OR5K2: variants seen among roughly 807,000 people sequenced by gnomAD.
OR5K2 encodes the protein olfactory receptor family 5 subfamily K member 2.
For missense variants in OR5K2, 402 were observed against 369.8 expected (o/e 1.09, Z -0.71); for synonymous variants, 124 against 133.2 (o/e 0.93, Z 0.48).
At position 98,498,044 on chromosome 3, in the gene OR5K2, C is replaced by A. The variant is rs755600607; in HGVS notation, c.364C>A (p.Arg122Ser). The change falls in exon 1 of 1, where the codon CGC becomes AGC. Residue 122 changes from arginine (R) to serine (S), a missense_variant. By Grantham distance (110) the Arg-to-Ser change is moderately radical. Transcript: ENST00000427338. The stretch of plus-strand genomic sequence containing the variant: ...TCTTCTGGCAGCAGTGGCCTATGAC[C>A]GCTATGTGGCCATCTGCAACCCACT... The part of the protein sequence containing the change: ...CFLLAAVAYD[R>S]YVAICNPLQY... 5.0e-6 allele frequency: 8 copies of A among 1,614,032 alleles called. No homozygotes were observed. Among genetic ancestry groups the A allele is most frequent in the Non-Finnish European group, 6.8e-6 (8 of 1,179,992 alleles).
At position 98,498,143 on chromosome 3, in the gene OR5K2, C is replaced by T. The variant is rs771956717; in HGVS notation, c.463C>T (p.His155Tyr). 5.0e-6 allele frequency: 8 copies of T among 1,614,050 alleles called. No homozygotes were observed. Among genetic ancestry groups the T allele is most frequent in the Non-Finnish European group, 4.2e-6 (5 of 1,179,950 alleles). ...TTGAFIAGNLHSMIHVGLVFR... is the reference protein window; with the variant it reads ...TTGAFIAGNLYSMIHVGLVFR... Reference sequence around the variant, plus strand: ...AGGCGCCTTCATAGCTGGAAATCTGCATTCCATGATTCATGTAGGGCTTGT... The same window carrying T: ...AGGCGCCTTCATAGCTGGAAATCTGTATTCCATGATTCATGTAGGGCTTGT... The change falls in exon 1 of 1, where the codon CAT becomes TAT. Residue 155 changes from histidine (H) to tyrosine (Y), a missense_variant. His to Tyr is a moderately conservative substitution (Grantham distance 83, BLOSUM62 2). Transcript: ENST00000427338.
Position 98,498,404 on chromosome 3 carries a change from G to A in OR5K2, c.724G>A (p.Ala242Thr), listed in dbSNP as rs764959077. Residue 242 changes from alanine to threonine, a missense_variant, in exon 1 of 1, where the codon GCA becomes ACA. Ala to Thr is a moderately conservative substitution (Grantham distance 58). Transcript: ENST00000427338. The stretch of plus-strand genomic sequence containing the variant: ...AAGGGCCAAAGCCTTTTCTACTTGT[G>A]CATCCCACTTTTCATCAGTTTCATT... Reference protein sequence around the residue: ...EGRAKAFSTCASHFSSVSLFY... With the variant: ...EGRAKAFSTCTSHFSSVSLFY... 16 of 1,613,286 alleles carry A rather than the reference G, an allele frequency of 9.9e-6. No individual in the cohort carries two copies. Among genetic ancestry groups the A allele is most frequent in the Admixed American group, 1.7e-5 (1 of 59,876 alleles).
At position 98,498,539 on chromosome 3, in the gene OR5K2, C is replaced by A. The variant is rs367862272; in HGVS notation, c.859C>A (p.Pro287Thr). The part of the protein sequence containing the change: ...LFTIVVPLLN[P>T]FIYSLRNKEV... ...TACAATAGTAGTTCCCTTACTAAATCCTTTCATTTATAGTCTGAGAAACAA... is the reference window on the plus strand; with the variant it reads ...TACAATAGTAGTTCCCTTACTAAATACTTTCATTTATAGTCTGAGAAACAA... The change falls in exon 1 of 1, where the codon CCT (proline) becomes ACT (threonine). Residue 287 changes from proline to threonine, a missense_variant. By Grantham distance (38) the Pro-to-Thr change is conservative. Transcript: ENST00000427338. The A allele has an allele frequency of 3.7e-6, 6 of 1,607,280 alleles. No individual in the cohort carries two copies. In the African/African-American group the frequency reaches 6.7e-5, roughly 18 times the overall value.
Position 98,498,198 on chromosome 3 carries a change from A to C in OR5K2, c.518A>C (p.His173Pro), listed in dbSNP as rs142208938. Residue 173 changes from histidine (H) to proline (P), a missense_variant, in exon 1 of 1, where the codon CAC (histidine) becomes CCC (proline). Coordinates refer to ENST00000427338, the MANE Select transcript of OR5K2 (RefSeq NM_001004737.1). ...AGGTTAGTTTTCTGTGGATTGAATC[A>C]CATCAACCACTTTTACTGTGATACT... ...VFRLVFCGLN[H>P]INHFYCDTLP... 255 of 1,614,092 alleles carry C rather than the reference A, an allele frequency of 1.6e-4. No homozygotes were observed. The highest frequency in any genetic ancestry group is 3.3e-4 in the Middle Eastern group (2 of 6,060).
chr3:98,498,332 T>C lies in OR5K2; in HGVS notation c.652T>C (p.Tyr218His). The C allele has an allele frequency of 1.9e-6, 3 of 1,613,908 alleles. No homozygotes were observed. The highest frequency in any genetic ancestry group is 1.3e-5 in the African/African-American group (1 of 75,040). ...TACCATAGGTAGTGTCTTAATATCT[T>C]ATCTCTATATTCTTCTTACTATTTT... ...VFTIGSVLISYLYILLTIFRM... is the reference protein window; with the variant it reads ...VFTIGSVLISHLYILLTIFRM... Residue 218 changes from tyrosine (Y) to histidine (H), a missense_variant, in exon 1 of 1, where the codon TAT (tyrosine) becomes CAT (histidine). Tyr to His is a moderately conservative substitution (Grantham distance 83). Coordinates refer to ENST00000427338, the MANE Select transcript of OR5K2 (RefSeq NM_001004737.1).
At position 98,498,500 on chromosome 3, in the gene OR5K2, G is replaced by C. The variant is rs1559646997; in HGVS notation, c.820G>C (p.Ala274Pro). 5 of 1,609,638 alleles carry C rather than the reference G, an allele frequency of 3.1e-6. No homozygotes were observed. The highest frequency in any genetic ancestry group is 4.3e-6 in the Non-Finnish European group (5 of 1,176,240). The change falls in exon 1 of 1, where the codon GCT becomes CCT. Residue 274 changes from alanine to proline, a missense_variant. By Grantham distance (27) the Ala-to-Pro change is conservative. Coordinates refer to ENST00000427338, the MANE Select transcript of OR5K2 (RefSeq NM_001004737.1). ...LLEEGGNDIP[A>P]AILFTIVVPL... ...TGAAGAAGGAGGTAATGATATACCA[G>C]CTGCTATTTTATTTACAATAGTAGT...
chr3:98,498,350 A>T lies in OR5K2; in HGVS notation c.670A>T (p.Thr224Ser). ...VLISYLYILLTIFRMKSKEGR... is the reference protein window; with the variant it reads ...VLISYLYILLSIFRMKSKEGR... ...AATATCTTATCTCTATATTCTTCTT[A>T]CTATTTTCAGAATGAAATCCAAGGA... The change falls in exon 1 of 1, where the codon ACT becomes TCT. Residue 224 changes from threonine to serine, a missense_variant. Physicochemically the swap from Thr to Ser is moderately conservative, Grantham distance 58. Transcript: ENST00000427338. 1 of 1,613,732 alleles carries T rather than the reference A, an allele frequency of 6.2e-7. No individual in the cohort carries two copies. The highest frequency in any genetic ancestry group is 1.1e-5 in the South Asian group (1 of 91,068).
In OR5K2 at chr3:98,497,952, G is replaced by C. The variant is rs1175304218; in HGVS notation, c.272G>C (p.Arg91Thr). The C allele has an allele frequency of 6.2e-6, 10 of 1,613,956 alleles. No individual in the cohort carries two copies. Among genetic ancestry groups the C allele is most frequent in the East Asian group, 2.2e-5 (1 of 44,892 alleles). The change falls in exon 1 of 1, where the codon AGG (arginine) becomes ACG (threonine). Residue 91 changes from arginine to threonine, a missense_variant. Coordinates refer to ENST00000427338, the MANE Select transcript of OR5K2 (RefSeq NM_001004737.1). The stretch of plus-strand genomic sequence containing the variant: ...GAGAACTTCTTTTCTGAGGGCAAAA[G>C]GATTTCCCTCTATGAATGTGCAGTA... Reference protein sequence around the residue: ...MLENFFSEGKRISLYECAVQF... With the variant: ...MLENFFSEGKTISLYECAVQF...
At position 98,497,736 on chromosome 3, in the gene OR5K2, A is replaced by C. The variant is rs1232953823; in HGVS notation, c.56A>C (p.Asp19Ala). The C allele has an allele frequency of 5.6e-6, 9 of 1,613,858 alleles. No homozygotes were observed. Among genetic ancestry groups the C allele is most frequent in the Non-Finnish European group, 6.8e-6 (8 of 1,179,924 alleles). The change falls in exon 1 of 1, where the codon GAT becomes GCT. Residue 19 changes from aspartate (D) to alanine (A), a missense_variant. Transcript: ENST00000427338. ...KNEFILTGFT[D>A]HPELKTLLFV... ...GAGTTTATCCTCACAGGATTTACAGATCACCCTGAGCTGAAGACTCTGCTG... is the reference window on the plus strand; with the variant it reads ...GAGTTTATCCTCACAGGATTTACAGCTCACCCTGAGCTGAAGACTCTGCTG...
rs1705723653 is a variant in OR5K2, at chr3:98,498,036, C to G, written c.356C>G (p.Ala119Gly). 6.2e-7 allele frequency: 1 copy of G among 1,613,924 alleles called. No individual in the cohort carries two copies. The highest frequency in any genetic ancestry group is 1.3e-5 in the African/African-American group (1 of 74,906). The change falls in exon 1 of 1, where the codon GCC (alanine) becomes GGC (glycine). Residue 119 changes from alanine to glycine, a missense_variant. Transcript: ENST00000427338. ...TADCFLLAAVAYDRYVAICNP... is the reference protein window; with the variant it reads ...TADCFLLAAVGYDRYVAICNP... The stretch of plus-strand genomic sequence containing the variant: ...GACTGCTTTCTTCTGGCAGCAGTGG[C>G]CTATGACCGCTATGTGGCCATCTGC...
rs1483332339 is a variant in OR5K2 at position 98,497,958 on chromosome 3, C to T, written c.278C>T (p.Ser93Phe). The change falls in exon 1 of 1, where the codon TCC becomes TTC. Residue 93 changes from serine to phenylalanine, a missense_variant. By Grantham distance (155) the Ser-to-Phe change is radical (BLOSUM62 -2). Coordinates refer to ENST00000427338, the MANE Select transcript of OR5K2 (RefSeq NM_001004737.1). ...ENFFSEGKRI[S>F]LYECAVQFYF... ...TTCTTTTCTGAGGGCAAAAGGATTTCCCTCTATGAATGTGCAGTACAGTTT... is the reference window on the plus strand; with the variant it reads ...TTCTTTTCTGAGGGCAAAAGGATTTTCCTCTATGAATGTGCAGTACAGTTT... The T allele has an allele frequency of 6.2e-6, 10 of 1,613,974 alleles. No individual in the cohort carries two copies. Among genetic ancestry groups the T allele is most frequent in the African/African-American group, 1.3e-5 (1 of 74,896 alleles).
rs1375713810 is a variant in OR5K2, at chr3:98,498,608, T to A, written c.928T>A (p.Ser310Thr). 1.9e-6 allele frequency: 3 copies of A among 1,578,710 alleles called. No individual in the cohort carries two copies. The African/African-American group carries it at 4.1e-5, about 22-fold the overall frequency. ...VLRKILLKIK[S>T]QGSVNK Reference sequence around the variant, plus strand: ...AAGAAAAATTCTGCTGAAAATAAAATCTCAAGGAAGTGTGAACAAATGACA... The same window carrying A: ...AAGAAAAATTCTGCTGAAAATAAAAACTCAAGGAAGTGTGAACAAATGACA... The change falls in exon 1 of 1, where the codon TCT (serine) becomes ACT (threonine). Residue 310 changes from serine (S) to threonine (T), a missense_variant. Physicochemically the swap from Ser to Thr is moderately conservative, Grantham distance 58. Transcript: ENST00000427338.
Position 98,497,794 on chromosome 3 carries a change from C to T in OR5K2, c.114C>T (p.Thr38=), listed in dbSNP as rs115858731. The part of the protein sequence containing the change: ...FVVFFAIYLI[T]VVGNISLVAL... ...TGTTCTTTGCCATCTATCTGATCACCGTGGTGGGGAATATTAGTTTGGTGG... is the reference window on the plus strand; with the variant it reads ...TGTTCTTTGCCATCTATCTGATCACTGTGGTGGGGAATATTAGTTTGGTGG... The change falls in exon 1 of 1, where the codon ACC becomes ACT. Residue 38 remains threonine, a synonymous_variant. Transcript: ENST00000427338. The T allele has an allele frequency of 2.6e-4, 427 of 1,614,018 alleles. 1 individual carries two copies. The East Asian group carries it at 7.2e-3, about 27-fold the overall frequency.
In OR5K2 at chr3:98,498,180, T is replaced by C; in HGVS notation, c.500T>C (p.Val167Ala). Residue 167 changes from valine (V) to alanine (A), a missense_variant, in exon 1 of 1, where the codon GTT becomes GCT. Transcript: ENST00000427338. ...MIHVGLVFRL[V>A]FCGLNHINHF... ...CATGTAGGGCTTGTATTTAGGTTAGTTTTCTGTGGATTGAATCACATCAAC... is the reference window on the plus strand; with the variant it reads ...CATGTAGGGCTTGTATTTAGGTTAGCTTTCTGTGGATTGAATCACATCAAC... The C allele has an allele frequency of 4.3e-6, 7 of 1,614,118 alleles. No individual in the cohort carries two copies. Among genetic ancestry groups the C allele is most frequent in the Non-Finnish European group, 5.9e-6 (7 of 1,179,962 alleles).
chr3:98,498,427 A>T lies in OR5K2; in HGVS notation c.747A>T (p.Ser249=), dbSNP rs912769490. Residue 249 remains serine, a synonymous_variant, in exon 1 of 1, where the codon TCA becomes TCT. Coordinates refer to ENST00000427338, the MANE Select transcript of OR5K2 (RefSeq NM_001004737.1). ...STCASHFSSV[S]LFYGSIFFLY... Reference sequence around the variant, plus strand: ...GTGCATCCCACTTTTCATCAGTTTCATTATTCTATGGATCTATTTTTTTCC... The same window carrying T: ...GTGCATCCCACTTTTCATCAGTTTCTTTATTCTATGGATCTATTTTTTTCC... 5 of 1,613,630 alleles carry T rather than the reference A, an allele frequency of 3.1e-6. No homozygotes were observed. The South Asian group carries it at 5.5e-5, about 18-fold the overall frequency.
At position 98,498,304 on chromosome 3, in the gene OR5K2, C is replaced by A; in HGVS notation, c.624C>A (p.Val208=). The part of the protein sequence containing the change: ...VLFIFSGSVQ[V]FTIGSVLISY... The stretch of plus-strand genomic sequence containing the variant: ...TCATCTTCTCAGGTTCAGTTCAAGT[C>A]TTTACCATAGGTAGTGTCTTAATAT... The change falls in exon 1 of 1, where the codon GTC becomes GTA. Residue 208 remains valine (V), a synonymous_variant. Transcript: ENST00000427338. 3.7e-6 allele frequency: 6 copies of A among 1,613,874 alleles called. No individual in the cohort carries two copies. The highest frequency in any genetic ancestry group is 2.2e-5 in the East Asian group (1 of 44,882).
chr3:98,498,125 T>G lies in OR5K2; in HGVS notation c.445T>G (p.Phe149Val). The G allele has an allele frequency of 2.5e-6, 4 of 1,614,090 alleles. No individual in the cohort carries two copies. The highest frequency in any genetic ancestry group is 2.5e-6 in the Non-Finnish European group (3 of 1,179,974). Residue 149 changes from phenylalanine to valine, a missense_variant, in exon 1 of 1, where the codon TTC becomes GTC. Physicochemically the swap from Phe to Val is conservative, Grantham distance 50. Coordinates refer to ENST00000427338, the MANE Select transcript of OR5K2 (RefSeq NM_001004737.1). ...KLCIQMTTGA[F>V]IAGNLHSMIH... The stretch of plus-strand genomic sequence containing the variant: ...CTGCATTCAGATGACCACAGGCGCC[T>G]TCATAGCTGGAAATCTGCATTCCAT...
chr3:98,498,521 G>T lies in OR5K2; in HGVS notation c.841G>T (p.Val281Leu). 6.2e-7 allele frequency: 1 copy of T among 1,608,688 alleles called. No homozygotes were observed. Among genetic ancestry groups the T allele is most frequent in the Non-Finnish European group, 8.5e-7 (1 of 1,175,544 alleles). ...ACCAGCTGCTATTTTATTTACAATA[G>T]TAGTTCCCTTACTAAATCCTTTCAT... Reference protein sequence around the residue: ...DIPAAILFTIVVPLLNPFIYS... With the variant: ...DIPAAILFTILVPLLNPFIYS... The change falls in exon 1 of 1, where the codon GTA (valine) becomes TTA (leucine). Residue 281 changes from valine to leucine, a missense_variant. Coordinates refer to ENST00000427338, the MANE Select transcript of OR5K2 (RefSeq NM_001004737.1).
rs1705732594 is a variant in OR5K2, at chr3:98,498,609, C to A, written c.929C>A (p.Ser310Tyr). The stretch of plus-strand genomic sequence containing the variant: ...AGAAAAATTCTGCTGAAAATAAAAT[C>A]TCAAGGAAGTGTGAACAAATGACAT... ...VLRKILLKIKSQGSVNK is the reference protein window; with the variant it reads ...VLRKILLKIKYQGSVNK Residue 310 changes from serine to tyrosine, a missense_variant, in exon 1 of 1, where the codon TCT becomes TAT. Ser to Tyr is a moderately radical substitution (Grantham distance 144, BLOSUM62 -2). Transcript: ENST00000427338. The A allele has an allele frequency of 3.2e-6, 5 of 1,575,302 alleles. No homozygotes were observed. In the African/African-American group the frequency reaches 5.5e-5, roughly 17 times the overall value.
Sources: allele counts gnomAD v4.1 joint callset, GRCh38; gene constraint gnomAD v4.1.1; transcripts MANE v1.5; gene names NCBI Gene and HGNC (gene_info 2026-07-23, HGNC 2026-07-21).